Variants in PLCH2 observed in about 807,000 individuals in gnomAD.
PLCH2 encodes the protein phospholipase C eta 2.
In PLCH2, 98 loss-of-function variants were observed where a neutral mutation model predicts 134.7. The ratio of observed to expected loss-of-function variants is 0.73; its 90% confidence interval spans 0.62 to 0.86. The LOEUF (loss-of-function observed/expected upper bound fraction) is 0.86. Ranked by LOEUF, PLCH2 falls within the 40% of genes least tolerant of loss-of-function variation. The pLI is 0.00. For missense variants in PLCH2, 1,994 were observed against 1,986.6 expected, an observed-to-expected ratio of 1.00 and a Z score of -0.07; for synonymous variants, 974 against 827.5, an observed-to-expected ratio of 1.18 and a Z score of -3.04.
chr1:2,434,732 G>A (rs1035896691), intron 2 of PLCH2, among the ~76,000 whole-genome samples: 21 of 152,202 alleles, frequency 1.4e-4, no homozygotes, highest in Non-Finnish European at 2.4e-4. Context: ...AGTGGGGAGA[G>A]CCTCGCCGGT....
chr1:2,465,508 C>T (rs998403038), upstream of PLCH2, among the ~76,000 whole-genome samples: 9 of 152,328 alleles, frequency 5.9e-5, 1 homozygote, highest in South Asian at 1.2e-3. Flanking sequence ...CTTCTTCAAA[C>T]GAGGAGAAAA....
At chr1:2,445,412 C>T (rs571329600) in intron 2 of PLCH2, among the ~76,000 whole-genome samples, 90 of 152,260 alleles carry the variant, frequency 5.9e-4, no homozygotes, top group African/African-American at 2.0e-3. Flanking sequence ...GGGCAGTGGT[C>T]GGGGAACTGG....
chr1:2,454,474 G>A (rs1012573259), intron 2 of PLCH2, among the ~76,000 whole-genome samples: 1 of 152,184 alleles, frequency 6.6e-6, no homozygotes, highest in Non-Finnish European at 1.5e-5. Context: ...CGGGAGGATG[G>A]TCTGTGGAGG....
Position 2,505,022 on chromosome 1 carries a change from C to T in PLCH2, c.4060C>T (p.Arg1354Cys), listed in dbSNP as rs545946096. 198 of 1,544,094 alleles carry T rather than the reference C, an allele frequency of 1.3e-4. 1 individual carries two copies. The East Asian group carries it at 2.2e-3, about 17-fold the overall frequency. ...SRVRAIASRA[R>C]QAQERQQRLQ... ...CGTGCGTGCCATTGCCAGCCGGGCC[C>T]GCCAGGCCCAGGAGCGGCAGCAGAG... is the stretch of plus-strand genomic sequence containing the variant. Residue 1354 changes from arginine to cysteine, a missense_variant, in exon 22 of 22, where the codon CGC (arginine) becomes TGC (cysteine). Coordinates refer to ENST00000378486, the MANE Select transcript of PLCH2 (RefSeq NM_014638.4).
At chr1:2,451,661 C>CA (rs1391760788) in intron 2 of PLCH2, among the ~76,000 whole-genome samples, 1 of 152,222 alleles carries the variant, frequency 6.6e-6, no homozygotes, top group Admixed American at 6.5e-5. Context: ...GGGTCAGCCA[C>CA]CGTTGGCAGC....
chr1:2,438,623 A>C (rs748875815), intron 2 of PLCH2, among the ~76,000 whole-genome samples: 1 of 152,136 alleles, frequency 6.6e-6, no homozygotes, highest in Non-Finnish European at 1.5e-5. Flanking sequence ...CCGATTGCCC[A>C]AGAGAGAGCA....
At position 2,499,732 on chromosome 1, in the gene PLCH2, C is replaced by T; in HGVS notation, c.2661+12C>T. ...ACATCAGCGGTAAGGTGAGTGTCAC[C>T]CCCTGCCACCAGCCATCATGGGGAG... On this transcript the variant is annotated intron_variant, in intron 20 of 21. Transcript: ENST00000378486. The T allele has an allele frequency of 1.3e-6, 2 of 1,560,506 alleles. No homozygotes were observed. The highest frequency in any genetic ancestry group is 1.7e-6 in the Non-Finnish European group (2 of 1,150,608).
intron 1 of PLCH2, among the ~76,000 whole-genome samples, chr1:2,428,817 C>A (rs965660774): frequency 1.3e-5 from 2 of 152,248 alleles, no homozygotes; most frequent in Non-Finnish European, 2.9e-5. Context: ...GGCTGGGAGA[C>A]CCCATGCCTG....
chr1:2,421,278 G>A (rs192352359), upstream of PLCH2, among the ~76,000 whole-genome samples: 56 of 152,270 alleles, frequency 3.7e-4, no homozygotes, highest in African/African-American at 1.3e-3. Context: ...GAAGCCCAAG[G>A]AGCTTTGGTT....
chr1:2,434,672 C>T (rs902606223), intron 2 of PLCH2, among the ~76,000 whole-genome samples: 2 of 152,216 alleles, frequency 1.3e-5, no homozygotes, highest in Admixed American at 6.5e-5. Flanking sequence ...CCCTTCCCCC[C>T]ACAGCCAGCA....
chr1:2,504,446 A>AGCCTGG lies in PLCH2; in HGVS notation c.3494_3499dup (p.Leu1165_Gly1166dup), dbSNP rs762304810. 25 of 1,611,692 alleles carry AGCCTGG rather than the reference A, an allele frequency of 1.6e-5. No individual in the cohort carries two copies. The highest frequency in any genetic ancestry group is 1.5e-5 in the Non-Finnish European group (18 of 1,179,722). ...CACTGTCATTGACCTCTCCCTGCCC[A>AGCCTGG]GCCTGGGCCTGGGCCGCAGCCGTGA... On this transcript the variant is annotated inframe_insertion, in exon 22 of 22. Coordinates refer to ENST00000378486, the MANE Select transcript of PLCH2 (RefSeq NM_014638.4).
In PLCH2 at chr1:2,504,223, C is replaced by T. The variant is rs1199889524; in HGVS notation, c.3261C>T (p.His1087=). The change falls in exon 22 of 22, where the codon CAC becomes CAT. Residue 1087 remains histidine (H), a synonymous_variant. Coordinates refer to ENST00000378486, the MANE Select transcript of PLCH2 (RefSeq NM_014638.4). ...DGRSQPRTLG[H]LPVIRRVKSE... ...GGAGCCAGCCCCGGACCCTGGGCCA[C>T]CTGCCCGTGATTAGAAGGGTGAAGA... 1 of 1,567,166 alleles carries T rather than the reference C, an allele frequency of 6.4e-7. No homozygotes were observed. The highest frequency in any genetic ancestry group is 2.4e-5 in the East Asian group (1 of 42,022).
chr1:2,432,449 CCTTACCCCAGTT>C (rs1291699688), intron 2 of PLCH2, among the ~76,000 whole-genome samples: 1 of 152,224 alleles, frequency 6.6e-6, no homozygotes, highest in Non-Finnish European at 1.5e-5. Context: ...GTGCAATTTG[CCTTACCCCAGTT>C]CTTGTGTATC....
chr1:2,487,764 T>A (rs371211072), intron 8 of PLCH2, 46 bp downstream of exon 8: 7 of 1,588,850 alleles, frequency 4.4e-6, no homozygotes, highest in African/African-American at 2.7e-5. Flanking sequence ...GTGGGCAGGG[T>A]AGGGTCTCCA....
chr1:2,458,300 C>T (rs1353602117), intron 2 of PLCH2, among the ~76,000 whole-genome samples: 1 of 152,210 alleles, frequency 6.6e-6, no homozygotes, highest in African/African-American at 2.4e-5. Context: ...GACACTGGGA[C>T]CTTGTGCAGG....
At chr1:2,457,452 G>T (rs1416906750) in intron 2 of PLCH2, among the ~76,000 whole-genome samples, 1 of 152,140 alleles carries the variant, frequency 6.6e-6, no homozygotes, top group Non-Finnish European at 1.5e-5. Context: ...GCAGCTTCTC[G>T]CCAGGGTTCC....
chr1:2,417,167 G>A, the PLCH2 span, among the ~76,000 whole-genome samples: 11 of 152,196 alleles, frequency 7.2e-5, no homozygotes, highest in African/African-American at 1.7e-4. Flanking sequence ...GGGGTGCTGG[G>A]CACCATGACC....
chr1:2,480,242 G>A lies in PLCH2; in HGVS notation c.575G>A (p.Gly192Asp). 1 of 1,612,792 alleles carries A rather than the reference G, an allele frequency of 6.2e-7. No individual in the cohort carries two copies. Among genetic ancestry groups the A allele is most frequent in the Non-Finnish European group, 8.5e-7 (1 of 1,179,830 alleles). Reference protein sequence around the residue: ...DKNGDGSLSIGEVLQLLHKLN... With the variant: ...DKNGDGSLSIDEVLQLLHKLN... ...AACGGGGATGGCAGCCTGAGCATTGGCGAGGTCCTGCAGCTGCTGCACAAG... is the reference window on the plus strand; with the variant it reads ...AACGGGGATGGCAGCCTGAGCATTGACGAGGTCCTGCAGCTGCTGCACAAG... The change falls in exon 4 of 22, where the codon GGC becomes GAC. Residue 192 changes from glycine to aspartate, a missense_variant. Transcript: ENST00000378486.
At chr1:2,422,321 A>G (rs1038620400), upstream of PLCH2, among the ~76,000 whole-genome samples, 2 of 152,238 alleles carry the variant, frequency 1.3e-5, no homozygotes, top group Non-Finnish European at 2.9e-5. Flanking sequence ...GTTAATAGAA[A>G]TAACACGTTA....
Sources: gnomAD v4.1 joint callset for allele counts (sites outside exome capture counted in the v4.1 genomes callset) on GRCh38, gnomAD v4.1.1 for gene constraint, MANE v1.5 for transcripts, NCBI Gene and HGNC (gene_info 2026-07-23, HGNC 2026-07-21) for gene names.